The following HPSE2 variants were observed in gnomAD, a reference collection of about 807,000 sequenced individuals.
The protein encoded by HPSE2 is inactive heparanase-2.
In HPSE2, 38 loss-of-function variants were observed where a neutral mutation model predicts 60.5. That is an observed-to-expected ratio of 0.63 (90% CI 0.48 to 0.82). The LOEUF (loss-of-function observed/expected upper bound fraction) is 0.82. Among genes scored for constraint, HPSE2 ranks in the 40% least tolerant of loss-of-function variants. The probability of loss-of-function intolerance (pLI) is 0.00; values close to 1 mark genes in which losing one functional copy is unlikely to be tolerated. For missense variants in HPSE2, 713 were observed against 740.4 expected, an observed-to-expected ratio of 0.96 and a Z score of 0.43; for synonymous variants, 295 against 293.2, an observed-to-expected ratio of 1.01 and a Z score of -0.06.
rs151233149 is a variant in HPSE2 at position 98,993,544 on chromosome 10, T to C, written c.610+150694A>G. Among the ~76,000 whole-genome samples the C allele has an allele frequency of 3.9e-3, 587 of 152,342 alleles. 4 individuals carry two copies. Among genetic ancestry groups the C allele is most frequent in the African/African-American group, 0.013 (554 of 41,586 alleles). On this transcript the variant is annotated intron_variant, in intron 3 of 11. Coordinates refer to ENST00000370552, the MANE Select transcript of HPSE2 (RefSeq NM_021828.5). ...TTGAATATATTTTTATTTTTACTCTTCACTACCTCTTCAGTTAATACATTC... is the reference window on the plus strand; with the variant it reads ...TTGAATATATTTTTATTTTTACTCTCCACTACCTCTTCAGTTAATACATTC...
chr10:98,810,757 TAA>T (rs986288783), intron 3 of HPSE2, among the ~76,000 whole-genome samples: 38 of 69,052 alleles, frequency 5.5e-4, no homozygotes, highest in African/African-American at 1.2e-3. Flanking sequence ...GTTGATGAAC[TAA>T]AAAAAAAAAA....
rs1375888352 is a variant in HPSE2, at chr10:98,765,389, A to ACTACTG, written c.611-21339_611-21334dup. Among the ~76,000 whole-genome samples the ACTACTG allele has an allele frequency of 2.6e-5, 4 of 152,348 alleles. No homozygotes were observed. In the South Asian group the frequency reaches 6.2e-4, roughly 24 times the overall value. On this transcript the variant is annotated intron_variant, in intron 3 of 11. Transcript: ENST00000370552. ...ATTCTCCCAAATATTGGGAAATTAA[A>ACTACTG]CTACTGCTATAAGTTACTTTTAGGT...
At chr10:98,647,647 G>A (rs962389720) in intron 6 of HPSE2, among the ~76,000 whole-genome samples, 2 of 152,168 alleles carry the variant, frequency 1.3e-5, no homozygotes, top group African/African-American at 4.8e-5. Flanking sequence ...CTGGAGAAAG[G>A]CTGATTTGAG....
At chr10:98,702,140 C>G (rs1432118715) in intron 5 of HPSE2, among the ~76,000 whole-genome samples, 1 of 151,536 alleles carries the variant, frequency 6.6e-6, no homozygotes, top group Non-Finnish European at 1.5e-5. Flanking sequence ...AACACTCACA[C>G]AAAAAGCAGG....
chr10:99,162,935 C>T (rs138173608), intron 2 of HPSE2, among the ~76,000 whole-genome samples: 4 of 152,142 alleles, frequency 2.6e-5, no homozygotes, highest in African/African-American at 4.8e-5. Context: ...CATGGCCAGG[C>T]GCGGTGGCTC....
At chr10:98,725,722 A>ATT (rs1006497706) in intron 4 of HPSE2, among the ~76,000 whole-genome samples, 41 of 152,252 alleles carry the variant, frequency 2.7e-4, no homozygotes, top group African/African-American at 9.6e-4. Flanking sequence ...ATGGGAGAAA[A>ATT]TTTTTGCAAC....
intron 3 of HPSE2, among the ~76,000 whole-genome samples, chr10:98,775,601 A>T (rs1283211174): frequency 6.6e-6 from 1 of 152,214 alleles, no homozygotes; most frequent in Non-Finnish European, 1.5e-5. Flanking sequence ...GCACTGTACT[A>T]GGAACTACTG....
At chr10:99,060,705 A>G (rs1958221528) in intron 3 of HPSE2, among the ~76,000 whole-genome samples, 1 of 150,370 alleles carries the variant, frequency 6.7e-6, no homozygotes, top group African/African-American at 2.4e-5. Flanking sequence ...CTAAGTGTCC[A>G]TCAACAGACT....
intron 3 of HPSE2, among the ~76,000 whole-genome samples, chr10:98,824,571 T>A (rs1951499347): frequency 1.3e-5 from 2 of 152,220 alleles, no homozygotes; most frequent in Admixed American, 1.3e-4. Flanking sequence ...AGCTAATTTT[T>A]AGGTGCCTTC....
rs570913684 is a variant in HPSE2, at chr10:98,879,286, T to C, written c.611-135230A>G. On this transcript the variant is annotated intron_variant, in intron 3 of 11. Transcript: ENST00000370552. ...ACTATTTATTTCTTACTTGTCTGTA[T>C]GCTCAGTAGTTTGTTTTAAGGTGTT... Among the ~76,000 whole-genome samples the C allele has an allele frequency of 2.0e-5, 3 of 152,194 alleles. No homozygotes were observed. The East Asian group carries it at 5.8e-4, about 29-fold the overall frequency.
chr10:98,918,348 T>C (rs1954180961), intron 3 of HPSE2, among the ~76,000 whole-genome samples: 1 of 152,104 alleles, frequency 6.6e-6, no homozygotes. Flanking sequence ...CAAAGGATTA[T>C]AAATCATGCT....
intron 3 of HPSE2, among the ~76,000 whole-genome samples, chr10:98,890,932 C>T (rs1484887401): frequency 2.0e-5 from 3 of 152,186 alleles, no homozygotes; most frequent in Non-Finnish European, 4.4e-5. Flanking sequence ...AATATAGTAA[C>T]TTTCTTATTG....
At chr10:98,798,476 G>C (rs1950830767) in intron 3 of HPSE2, among the ~76,000 whole-genome samples, 1 of 152,120 alleles carries the variant, frequency 6.6e-6, no homozygotes, top group South Asian at 2.1e-4. Context: ...TCTTAAGTAG[G>C]AAGAAGAAAT....
intron 9 of HPSE2, among the ~76,000 whole-genome samples, chr10:98,572,744 G>T (rs1439187449): frequency 6.6e-6 from 1 of 152,108 alleles, no homozygotes; most frequent in African/African-American, 2.4e-5. Flanking sequence ...ATCCCTTCTT[G>T]GAGTTAGTCA....
intron 3 of HPSE2, among the ~76,000 whole-genome samples, chr10:98,762,425 A>G (rs1950027183): frequency 6.6e-6 from 1 of 152,180 alleles, no homozygotes; most frequent in South Asian, 2.1e-4. Flanking sequence ...GAGGATTCCC[A>G]AGAAGAGAAC....
At chr10:99,151,951 C>T (rs1185996987) in intron 2 of HPSE2, among the ~76,000 whole-genome samples, 1 of 151,710 alleles carries the variant, frequency 6.6e-6, no homozygotes, top group African/African-American at 2.4e-5. Flanking sequence ...CTTCTGACAA[C>T]CAATAATTCT....
Position 98,459,579 on chromosome 10 carries a change from G to A in HPSE2, c.1774C>T (p.Arg592Ter), listed in dbSNP as rs369345201. 3.0e-5 allele frequency: 49 copies of A among 1,614,078 alleles called. No individual in the cohort carries two copies. In the Admixed American group the frequency reaches 3.7e-4, roughly 12 times the overall value. Residue 592 changes from arginine (R) to a stop codon, truncating the protein, a stop_gained, in exon 12 of 12, where the codon CGA (arginine) becomes TGA (stop). Transcript: ENST00000370552. LOFTEE classifies it high-confidence loss of function. ...KNVNALACRY[R>*] ...GCCGTGAGTGTGAGGATAGCTTATC[G>A]GTAGCGGCAGGCCAAAGCATTGACA...
intron 6 of HPSE2, among the ~76,000 whole-genome samples, chr10:98,668,995 A>G (rs570050416): frequency 1.3e-5 from 2 of 152,246 alleles, no homozygotes; most frequent in South Asian, 2.1e-4. Context: ...TATGTATTCA[A>G]TAAAGGTCTA....
rs141011556 is a variant in HPSE2 at position 98,577,361 on chromosome 10, T to G, written c.1320+37543A>C. Among the ~76,000 whole-genome samples the G allele has an allele frequency of 9.1e-4, 138 of 152,276 alleles. 1 individual carries two copies. The highest frequency in any genetic ancestry group is 3.2e-3 in the African/African-American group (132 of 41,554). Reference sequence around the variant, plus strand: ...TTGCACAAATTTTCAATAGATAGTATCAAATGACTGTTTACTCTCTAAGAC... The same window carrying G: ...TTGCACAAATTTTCAATAGATAGTAGCAAATGACTGTTTACTCTCTAAGAC... On this transcript the variant is annotated intron_variant, in intron 9 of 11. Coordinates refer to ENST00000370552, the MANE Select transcript of HPSE2 (RefSeq NM_021828.5).
Sources: allele counts gnomAD v4.1 joint callset (sites outside exome capture counted in the v4.1 genomes callset), GRCh38; gene constraint gnomAD v4.1.1; transcripts MANE v1.5; gene names NCBI Gene and HGNC (gene_info 2026-07-23, HGNC 2026-07-21).